NHEJ1: variants seen among roughly 807,000 people sequenced by gnomAD.
The protein encoded by NHEJ1 is non-homologous end joining factor 1.
A neutral mutation model predicts 39.4 loss-of-function variants in NHEJ1; 22 were observed. The observed-to-expected ratio is 0.56, with a 90% CI of 0.40 to 0.80. The LOEUF is 0.80. Among genes scored for constraint, NHEJ1 ranks in the 30% least tolerant of loss-of-function variants. The probability of loss-of-function intolerance (pLI) is 0.00; values close to 1 mark genes in which losing one functional copy is unlikely to be tolerated. For synonymous variants in NHEJ1, 154 were observed against 135.6 expected (o/e 1.14, Z -0.94); for missense variants, 329 against 357.1 (o/e 0.92, Z 0.63).
At chr2:219,084,163 C>T (rs547940748) in intron 5 of NHEJ1, among the ~76,000 whole-genome samples, 18 of 151,990 alleles carry the variant, frequency 1.2e-4, no homozygotes, top group East Asian at 1.9e-4. Flanking sequence ...CCTGCCACCA[C>T]GCCTGGCTAA....
intron 5 of NHEJ1, among the ~76,000 whole-genome samples, chr2:219,086,258 T>C (rs1949111086): frequency 6.6e-6 from 1 of 152,206 alleles, no homozygotes; most frequent in Admixed American, 6.5e-5. Context: ...TCATTTTATA[T>C]ACAAGAAAAC....
intron 5 of NHEJ1, among the ~76,000 whole-genome samples, chr2:219,121,054 G>GGCATGGTGGT (rs992926875): frequency 1.3e-5 from 2 of 151,984 alleles, no homozygotes; most frequent in African/African-American, 2.4e-5. Flanking sequence ...AAATTAGCCA[G>GGCATGGTGGT]GCATGGTGGT....
chr2:219,158,683 C>T (rs145662946), intron 1 of NHEJ1: 206 of 386,020 alleles, frequency 5.3e-4, no homozygotes, highest in African/African-American at 3.1e-3. Context: ...TATAACATAA[C>T]GTGGAAACCT....
intron 5 of NHEJ1, among the ~76,000 whole-genome samples, chr2:219,114,281 C>CT (rs1949391040): frequency 6.6e-6 from 1 of 152,196 alleles, no homozygotes; most frequent in South Asian, 2.1e-4. Flanking sequence ...CTACATTCAA[C>CT]TCGATTCAGC....
chr2:219,089,941 A>G (rs911954668), intron 5 of NHEJ1, among the ~76,000 whole-genome samples: 5 of 152,164 alleles, frequency 3.3e-5, no homozygotes, highest in Non-Finnish European at 5.9e-5. Flanking sequence ...GAGAGACTGG[A>G]GGTGGCATGG....
In NHEJ1 at chr2:219,076,276, A is replaced by C. The variant is rs755175086; in HGVS notation, c.*105T>G. ...CTCTCGCCCTTACAGGAGGCCTCTG[A>C]CTGTATCACTATTTTAGAAATATTG... is the stretch of plus-strand genomic sequence containing the variant. On this transcript the variant is annotated 3_prime_UTR_variant, in exon 8 of 8. Transcript: ENST00000356853. The C allele has an allele frequency of 5.6e-6, 9 of 1,601,302 alleles. No homozygotes were observed. The East Asian group carries it at 1.8e-4, about 32-fold the overall frequency.
intron 5 of NHEJ1, among the ~76,000 whole-genome samples, chr2:219,142,210 GGAAGAGAAGA>G (rs55835935): frequency 6.6e-6 from 1 of 151,538 alleles, no homozygotes; most frequent in South Asian, 2.1e-4. Context: ...ACGACTGCAG[GGAAGAGAAGA>G]GAAGAGAAGA....
chr2:219,107,049 G>A (rs1364187792), intron 5 of NHEJ1, among the ~76,000 whole-genome samples: 2 of 152,174 alleles, frequency 1.3e-5, no homozygotes, highest in African/African-American at 2.4e-5. Flanking sequence ...CTGAGAGAGC[G>A]ATATAGAAGA....
intron 5 of NHEJ1, among the ~76,000 whole-genome samples, chr2:219,096,051 AG>A (rs1242773337): frequency 6.6e-6 from 1 of 152,234 alleles, no homozygotes. Flanking sequence ...AAACTTAGAG[AG>A]GGCCACTTGG....
chr2:219,160,798 G>A lies in NHEJ1; in HGVS notation c.-79C>T. ...CCGCTCGCGCAAACCGAAAGGCCTA[G>A]AGTAAGAGGCCGCTTTCCCCCCACC... On this transcript the variant is annotated 5_prime_UTR_variant, in exon 1 of 8. Transcript: ENST00000356853. 6.6e-6 allele frequency: 1 copy of A among 152,520 alleles called. No homozygotes were observed. The highest frequency in any genetic ancestry group is 1.9e-4 in the East Asian group (1 of 5,214). The allele number at this position is 152,520 out of a possible 1,614,324, so 9.4% of individuals were successfully genotyped here. A position where few individuals can be genotyped will look rare whatever the true frequency, so the allele number is the denominator to read the frequency against.
At chr2:219,129,871 T>C (rs914683386) in intron 5 of NHEJ1, among the ~76,000 whole-genome samples, 3 of 152,184 alleles carry the variant, frequency 2.0e-5, no homozygotes, top group Non-Finnish European at 4.4e-5. Context: ...GTCACAATTT[T>C]TTTTATAGTC....
chr2:219,141,315 G>A (rs1050121884), intron 5 of NHEJ1, among the ~76,000 whole-genome samples: 1 of 151,788 alleles, frequency 6.6e-6, no homozygotes, highest in African/African-American at 2.4e-5. Context: ...AGGAGGCAGA[G>A]GTTACAGTGA....
At chr2:219,077,411 T>C in intron 6 of NHEJ1, 47 bp from the exon 7 acceptor site, 4 of 1,376,128 alleles carry the variant, frequency 2.9e-6, no homozygotes, top group African/African-American at 1.4e-5. Context: ...TGCCTTCTTC[T>C]TACCAGGAAG....
chr2:219,077,052 G>A (rs980677232), intron 7 of NHEJ1, among the ~76,000 whole-genome samples, 194 bp downstream of exon 7: 1 of 152,218 alleles, frequency 6.6e-6, no homozygotes, highest in Non-Finnish European at 1.5e-5. Flanking sequence ...AAGACCTACA[G>A]AGAAGGGACA....
At chr2:219,141,390 AG>A (rs1478418477) in intron 5 of NHEJ1, among the ~76,000 whole-genome samples, 1 of 150,852 alleles carries the variant, frequency 6.6e-6, no homozygotes, top group African/African-American at 2.5e-5. Context: ...AAAAAAAAAA[AG>A]CAGGGGGGGA....
At chr2:219,119,117 A>G (rs1333197911) in intron 5 of NHEJ1, among the ~76,000 whole-genome samples, 3 of 152,148 alleles carry the variant, frequency 2.0e-5, no homozygotes. Context: ...GATGTTCTCC[A>G]TGCCTCACTC....
intron 5 of NHEJ1, among the ~76,000 whole-genome samples, chr2:219,119,932 C>G (rs2106344400): frequency 6.6e-6 from 1 of 152,302 alleles, no homozygotes; most frequent in East Asian, 1.9e-4. Context: ...GACAAATACT[C>G]AACAAACCCT....
chr2:219,115,194 G>A (rs1949401686), intron 5 of NHEJ1, among the ~76,000 whole-genome samples: 2 of 148,948 alleles, frequency 1.3e-5, no homozygotes, highest in Non-Finnish European at 3.0e-5. Context: ...AAAGGGGGCA[G>A]GGGGAGGAAA....
At chr2:219,095,222 G>T (rs1424170892) in intron 5 of NHEJ1, 2 of 450,982 alleles carry the variant, frequency 4.4e-6, no homozygotes, top group African/African-American at 2.0e-5. Context: ...CGTGGCTTTT[G>T]TAAGATCTGT....
Sources: allele counts gnomAD v4.1 joint callset (sites outside exome capture counted in the v4.1 genomes callset), GRCh38; gene constraint gnomAD v4.1.1; transcripts MANE v1.5; gene names NCBI Gene and HGNC (gene_info 2026-07-23, HGNC 2026-07-21).